Variants in PSD3 observed in about 807,000 individuals in gnomAD.
PSD3 encodes the protein PH and SEC7 domain-containing protein 3.
Under a neutral mutation model 105.5 loss-of-function variants are expected in PSD3, and 49 were observed. The observed-to-expected ratio is 0.46, with a 90% confidence interval of 0.37 to 0.59. PSD3 has a LOEUF of 0.59. Among genes scored for constraint, PSD3 ranks in the 20% least tolerant of loss-of-function variants. The probability of loss-of-function intolerance (pLI) is 0.00; values close to 1 mark genes in which losing one functional copy is unlikely to be tolerated. For missense variants in PSD3, 1,561 were observed against 1,263.8 expected (o/e 1.24, Z -3.57); for synonymous variants, 557 against 457.8 (o/e 1.22, Z -2.77).
At chr8:18,853,857 A>G (rs1353670398) in intron 4 of PSD3, among the ~76,000 whole-genome samples, 1 of 152,338 alleles carries the variant, frequency 6.6e-6, no homozygotes, top group Non-Finnish European at 1.5e-5. Context: ...CAACTCCACT[A>G]GGGAAAAATC....
intron 8 of PSD3, among the ~76,000 whole-genome samples, chr8:18,766,106 C>T (rs1806975544): frequency 1.3e-5 from 2 of 152,010 alleles, no homozygotes; most frequent in Non-Finnish European, 2.9e-5. Flanking sequence ...GGCTGAGGTG[C>T]GTGGATTACT....
chr8:19,064,671 T>G (rs1184471381), intron 1 of PSD3, among the ~76,000 whole-genome samples: 14 of 152,212 alleles, frequency 9.2e-5, no homozygotes, highest in Admixed American at 7.2e-4. Context: ...TGAATTATGC[T>G]TTAAAAACGT....
chr8:18,724,339 T>C (rs762442784), intron 9 of PSD3, among the ~76,000 whole-genome samples: 3 of 152,146 alleles, frequency 2.0e-5, no homozygotes, highest in Non-Finnish European at 4.4e-5. Flanking sequence ...GGGCCAGGTG[T>C]GGTGGCTCAT....
intron 12 of PSD3, among the ~76,000 whole-genome samples, chr8:18,592,832 A>G (rs995369036): frequency 6.6e-6 from 1 of 152,226 alleles, no homozygotes; most frequent in African/African-American, 2.4e-5. Flanking sequence ...ATCTACAACT[A>G]TCTGATCTTT....
chr8:19,028,639 C>A (rs1827653424), intron 1 of PSD3, among the ~76,000 whole-genome samples: 1 of 152,104 alleles, frequency 6.6e-6, no homozygotes, highest in South Asian at 2.1e-4. Flanking sequence ...CTGGCTTTGG[C>A]TTGCCATTTA....
intron 4 of PSD3, chr8:18,808,928 AC>A: frequency 6.7e-7 from 1 of 1,484,594 alleles, no homozygotes; most frequent in Non-Finnish European, 8.9e-7. Flanking sequence ...CTATGACCTC[AC>A]ATTCTCAGCC....
chr8:19,010,902 C>G (rs2129475321), intron 1 of PSD3, among the ~76,000 whole-genome samples: 1 of 151,654 alleles, frequency 6.6e-6, no homozygotes, highest in African/African-American at 2.4e-5. Flanking sequence ...TGTGCTTGGC[C>G]CAGACGGTCC....
chr8:18,706,079 G>A (rs554228978), intron 9 of PSD3, among the ~76,000 whole-genome samples: 52 of 152,216 alleles, frequency 3.4e-4, no homozygotes, highest in African/African-American at 1.2e-3. Flanking sequence ...TTGGCTCAGC[G>A]TCCAGTTCTT....
chr8:18,679,338 A>C (rs1301222839), intron 9 of PSD3, among the ~76,000 whole-genome samples: 1 of 152,198 alleles, frequency 6.6e-6, no homozygotes, highest in Non-Finnish European at 1.5e-5. Flanking sequence ...GAATGGGGAG[A>C]ATAGAGGTGA....
intron 10 of PSD3, among the ~76,000 whole-genome samples, chr8:18,649,991 T>C (rs1465412641): frequency 6.6e-6 from 1 of 152,228 alleles, no homozygotes; most frequent in East Asian, 1.9e-4. Flanking sequence ...AAACCTCTTT[T>C]GTTTACAAAT....
intron 1 of PSD3, among the ~76,000 whole-genome samples, chr8:18,998,954 C>G (rs1297050546): frequency 1.3e-5 from 2 of 151,826 alleles, no homozygotes; most frequent in Non-Finnish European, 2.9e-5. Flanking sequence ...CATGGTGGGT[C>G]CCATTTTTAT....
chr8:18,603,270 C>T (rs937049421), intron 11 of PSD3, among the ~76,000 whole-genome samples: 7 of 152,090 alleles, frequency 4.6e-5, no homozygotes, highest in Admixed American at 3.9e-4. Context: ...CTGCCTCTAA[C>T]CTTACTTTGG....
chr8:18,821,395 A>AC (rs5889827), intron 4 of PSD3, among the ~76,000 whole-genome samples: 142,767 of 152,062 alleles, frequency 0.94, 67,466 homozygotes, highest in Non-Finnish European at 0.99. Context: ...TTCCAAAAAA[A>AC]ATAATACCAG....
intron 9 of PSD3, among the ~76,000 whole-genome samples, chr8:18,737,367 C>A (rs958200338): frequency 1.3e-5 from 2 of 152,104 alleles, no homozygotes; most frequent in Non-Finnish European, 2.9e-5. Context: ...TACTCTGTAG[C>A]CCAGGATGGA....
chr8:18,637,983 C>G (rs1807389788), intron 10 of PSD3, among the ~76,000 whole-genome samples: 1 of 151,828 alleles, frequency 6.6e-6, no homozygotes, highest in African/African-American at 2.4e-5. Context: ...TGGTAAAACC[C>G]CATCTCTACT....
At chr8:18,578,854 C>T (rs759297404) in intron 12 of PSD3, among the ~76,000 whole-genome samples, 1 of 151,910 alleles carries the variant, frequency 6.6e-6, no homozygotes, top group Non-Finnish European at 1.5e-5. Flanking sequence ...AGGTAGTTTC[C>T]TAAACTCTAA....
chr8:18,617,241 T>G (rs559979053), intron 11 of PSD3, among the ~76,000 whole-genome samples: 29 of 152,210 alleles, frequency 1.9e-4, no homozygotes, highest in African/African-American at 6.0e-4. Context: ...ATTTTAAACT[T>G]TTCTACTGGC....
chr8:19,082,732 G>A (rs1001938281), intron 1 of PSD3, among the ~76,000 whole-genome samples: 1 of 152,158 alleles, frequency 6.6e-6, no homozygotes, highest in Non-Finnish European at 1.5e-5. Context: ...AAGTCATCAG[G>A]CCAGCACTGA....
intron 8 of PSD3, among the ~76,000 whole-genome samples, chr8:18,796,276 T>C (rs1480037963): frequency 6.6e-6 from 1 of 152,156 alleles, no homozygotes; most frequent in Non-Finnish European, 1.5e-5. Flanking sequence ...TTTCCCATCA[T>C]AGCACCTCAG....
Sources: gnomAD v4.1 joint callset for allele counts (sites outside exome capture counted in the v4.1 genomes callset) on GRCh38, gnomAD v4.1.1 for gene constraint, MANE v1.5 for transcripts, NCBI Gene and HGNC (gene_info 2026-07-23, HGNC 2026-07-21) for gene names.